The following AGMO variants were observed in gnomAD, a reference collection of about 807,000 sequenced individuals.
AGMO encodes alkylglycerol monooxygenase, also known as glyceryl-ether monooxygenase.
A neutral mutation model predicts 60.2 loss-of-function variants in AGMO; 75 were observed. The ratio of observed to expected loss-of-function variants is 1.25; its 90% CI spans 1.03 to 1.51. AGMO has a LOEUF of 1.51. Among genes scored for constraint, AGMO ranks in the 40% most tolerant of loss-of-function variants. The pLI, the probability that AGMO is intolerant of heterozygous loss-of-function variation, is 0.00. For missense variants in AGMO, 763 were observed against 525.5 expected (o/e 1.45, Z -4.42); for synonymous variants, 261 against 177.1 (o/e 1.47, Z -3.76).
chr7:15,251,156 C>G (rs1383851640), intron 12 of AGMO, among the ~76,000 whole-genome samples: 1 of 152,074 alleles, frequency 6.6e-6, no homozygotes, highest in Non-Finnish European at 1.5e-5. Flanking sequence ...TTTGGGACAG[C>G]CTTTCACTGG....
At chr7:15,516,180 G>A (rs921001886) in intron 3 of AGMO, among the ~76,000 whole-genome samples, 2 of 151,800 alleles carry the variant, frequency 1.3e-5, no homozygotes, top group Non-Finnish European at 2.9e-5. Flanking sequence ...TTGGAAGTAG[G>A]CCAAACATCA....
intron 12 of AGMO, among the ~76,000 whole-genome samples, chr7:15,217,413 A>G (rs1781773724): frequency 6.6e-6 from 1 of 152,110 alleles, no homozygotes; most frequent in African/African-American, 2.4e-5. Context: ...AAACAAAGAC[A>G]TCTTGAGAGA....
chr7:15,291,142 TG>T (rs1715837372), intron 12 of AGMO, among the ~76,000 whole-genome samples: 1 of 152,204 alleles, frequency 6.6e-6, no homozygotes, highest in South Asian at 2.1e-4. Context: ...GGTCCTTAGA[TG>T]GTGCACATTA....
intron 3 of AGMO, among the ~76,000 whole-genome samples, chr7:15,478,045 G>C (rs1782643354): frequency 6.6e-6 from 1 of 152,072 alleles, no homozygotes; most frequent in Non-Finnish European, 1.5e-5. Context: ...ATATTCTTCA[G>C]AGAAATGTTC....
intron 3 of AGMO, among the ~76,000 whole-genome samples, chr7:15,531,779 G>T (rs1372600346): frequency 6.7e-6 from 1 of 150,298 alleles, no homozygotes; most frequent in Non-Finnish European, 1.5e-5. Context: ...TCATACCTCA[G>T]CCATCCAAGT....
chr7:15,296,399 T>C (rs1316739171), intron 12 of AGMO, among the ~76,000 whole-genome samples: 1 of 152,196 alleles, frequency 6.6e-6, no homozygotes, highest in Non-Finnish European at 1.5e-5. Flanking sequence ...ATAGAATTTT[T>C]CCAACTAGAA....
intron 4 of AGMO, among the ~76,000 whole-genome samples, chr7:15,421,117 A>G (rs1780909857): frequency 6.6e-6 from 1 of 152,148 alleles, no homozygotes; most frequent in Non-Finnish European, 1.5e-5. Context: ...GGGAAGCTAA[A>G]CATATTTGCT....
At chr7:15,225,063 T>C in intron 12 of AGMO, among the ~76,000 whole-genome samples, 1 of 151,862 alleles carries the variant, frequency 6.6e-6, no homozygotes, top group East Asian at 1.9e-4. Flanking sequence ...TCTTTCAGTC[T>C]TTTTTTTCTT....
At chr7:15,367,359 TCTA>T (rs1245188915) in intron 10 of AGMO, among the ~76,000 whole-genome samples, 36 of 152,168 alleles carry the variant, frequency 2.4e-4, no homozygotes, top group East Asian at 5.8e-4. Flanking sequence ...TTATTGAACA[TCTA>T]CTATTTTACA....
At chr7:15,341,500 G>A (rs557002817) in intron 12 of AGMO, among the ~76,000 whole-genome samples, 2 of 152,222 alleles carry the variant, frequency 1.3e-5, no homozygotes, top group African/African-American at 2.4e-5. Context: ...TTTTGGTCAA[G>A]GACATTCAAC....
chr7:15,221,864 T>A (rs1010063206), intron 12 of AGMO, among the ~76,000 whole-genome samples: 19 of 152,182 alleles, frequency 1.2e-4, no homozygotes, highest in African/African-American at 4.6e-4. Context: ...AGATATATGT[T>A]GTGCAATTTC....
intron 12 of AGMO, among the ~76,000 whole-genome samples, chr7:15,360,452 T>C (rs1346582209): frequency 1.3e-5 from 2 of 152,218 alleles, no homozygotes; most frequent in East Asian, 1.9e-4. Flanking sequence ...ATATTCTGTA[T>C]GCTGAATGTA....
chr7:15,335,623 C>T (rs1459725205), intron 12 of AGMO, among the ~76,000 whole-genome samples: 1 of 152,136 alleles, frequency 6.6e-6, no homozygotes, highest in Non-Finnish European at 1.5e-5. Context: ...AAAATATATA[C>T]TAGCGAAGGC....
intron 12 of AGMO, among the ~76,000 whole-genome samples, chr7:15,257,871 T>C (rs1783143424): frequency 6.6e-6 from 1 of 152,320 alleles, no homozygotes; most frequent in African/African-American, 2.4e-5. Flanking sequence ...CGTTTAATAG[T>C]TTATGCTAAA....
chr7:15,282,164 A>T (rs1269479670), intron 12 of AGMO, among the ~76,000 whole-genome samples: 4 of 152,156 alleles, frequency 2.6e-5, no homozygotes, highest in Non-Finnish European at 4.4e-5. Context: ...AATATGACAA[A>T]ACAGGATTCC....
At chr7:15,246,427 T>A (rs1394809018) in intron 12 of AGMO, among the ~76,000 whole-genome samples, 1 of 152,154 alleles carries the variant, frequency 6.6e-6, no homozygotes, top group Non-Finnish European at 1.5e-5. Context: ...TAAGGTAGAT[T>A]TTTTAAAAAA....
At chr7:15,248,704 T>C (rs1782842391) in intron 12 of AGMO, among the ~76,000 whole-genome samples, 2 of 152,118 alleles carry the variant, frequency 1.3e-5, no homozygotes, top group African/African-American at 2.4e-5. Flanking sequence ...GGCTAGAACA[T>C]AGGCTGTATT....
intron 12 of AGMO, among the ~76,000 whole-genome samples, chr7:15,334,184 T>A (rs1781580730): frequency 6.6e-6 from 1 of 152,068 alleles, no homozygotes; most frequent in East Asian, 1.9e-4. Flanking sequence ...AAATAAGGAT[T>A]CACAAAGCAA....
chr7:15,211,792 G>A (rs1191901669), intron 12 of AGMO, among the ~76,000 whole-genome samples: 2 of 151,846 alleles, frequency 1.3e-5, no homozygotes, highest in African/African-American at 4.8e-5. Context: ...GGGGGATCTT[G>A]AGCAACACAA....
Sources: allele counts gnomAD v4.1 joint callset (sites outside exome capture counted in the v4.1 genomes callset), GRCh38; gene constraint gnomAD v4.1.1; transcripts MANE v1.5; gene names NCBI Gene and HGNC (gene_info 2026-07-23, HGNC 2026-07-21).